Variants in PLXNA4 observed in about 807,000 individuals in gnomAD.
The protein encoded by PLXNA4 is plexin-A4.
In PLXNA4, 44 loss-of-function variants were observed where a neutral mutation model predicts 191.8. That is an observed-to-expected ratio of 0.23 (90% CI 0.18 to 0.29). PLXNA4 has a LOEUF of 0.29. PLXNA4 is among the 10% of genes least tolerant of loss of function. The pLI is 1.00. For missense variants in PLXNA4, 1,800 were observed against 2,488.8 expected, an observed-to-expected ratio of 0.72 and a Z score of 5.89; for synonymous variants, 1,082 against 1,009.5, an observed-to-expected ratio of 1.07 and a Z score of -1.36.
chr7:132,244,359 A>G (rs996104476), intron 4 of PLXNA4, among the ~76,000 whole-genome samples: 2 of 152,296 alleles, frequency 1.3e-5, no homozygotes, highest in Admixed American at 6.5e-5. Context: ...CACCAGGTCT[A>G]CCTTCAAGAA....
At chr7:132,203,514 A>C in intron 10 of PLXNA4, 95 bp from the exon 11 acceptor site, 8 of 1,105,180 alleles carry the variant, frequency 7.2e-6, no homozygotes, top group Non-Finnish European at 1.1e-5. Context: ...TTAAGAGCTC[A>C]CAGGCTAAAG....
At chr7:132,293,800 T>C (rs1267672390) in intron 4 of PLXNA4, among the ~76,000 whole-genome samples, 5 of 152,214 alleles carry the variant, frequency 3.3e-5, no homozygotes, top group Admixed American at 6.5e-5. Context: ...ATGTTTAGGA[T>C]GCCCTTCCAC....
At chr7:132,612,729 T>A (rs904250126) in intron 2 of PLXNA4, among the ~76,000 whole-genome samples, 4 of 151,888 alleles carry the variant, frequency 2.6e-5, no homozygotes, top group Admixed American at 2.6e-4. Flanking sequence ...ACTGACATTT[T>A]GTGCAAATAA....
At chr7:132,478,257 G>A (rs4731870) in intron 3 of PLXNA4, among the ~76,000 whole-genome samples, 13,916 of 152,260 alleles carry the variant, frequency 0.091, 1,154 homozygotes, top group East Asian at 0.27. Flanking sequence ...CAAGTCTGGT[G>A]TGTCTGGGAA....
At chr7:132,291,914 C>G (rs1233434264) in intron 4 of PLXNA4, among the ~76,000 whole-genome samples, 1 of 152,182 alleles carries the variant, frequency 6.6e-6, no homozygotes, top group Non-Finnish European at 1.5e-5. Flanking sequence ...CCTGCCTCAG[C>G]CTCCCGAGTG....
chr7:132,626,388 C>T (rs1295244300), intron 2 of PLXNA4, among the ~76,000 whole-genome samples: 1 of 152,218 alleles, frequency 6.6e-6, no homozygotes, highest in Non-Finnish European at 1.5e-5. Flanking sequence ...ATATATGTCG[C>T]TGCCCAAATA....
intron 30 of PLXNA4, among the ~76,000 whole-genome samples, chr7:132,140,189 G>A (rs1239621152): frequency 1.3e-5 from 2 of 152,254 alleles, no homozygotes; most frequent in African/African-American, 2.4e-5. Flanking sequence ...CCAGACGGTA[G>A]CAGATGGGTA....
chr7:132,290,592 A>C (rs991490507), intron 4 of PLXNA4, among the ~76,000 whole-genome samples: 1 of 152,220 alleles, frequency 6.6e-6, no homozygotes, highest in African/African-American at 2.4e-5. Context: ...ATATACATGC[A>C]TACACATACA....
At chr7:132,537,821 C>G (rs1799912821) in intron 1 of PLXNA4, among the ~76,000 whole-genome samples, 1 of 152,174 alleles carries the variant, frequency 6.6e-6, no homozygotes, top group African/African-American at 2.4e-5. Flanking sequence ...CTAGATCAAG[C>G]CCTTCCTCAA....
chr7:132,479,589 T>G (rs1797260376), intron 3 of PLXNA4, among the ~76,000 whole-genome samples: 1 of 152,194 alleles, frequency 6.6e-6, no homozygotes, highest in Non-Finnish European at 1.5e-5. Flanking sequence ...CGCCCGGCAG[T>G]GGGTGTCCAG....
intron 3 of PLXNA4, among the ~76,000 whole-genome samples, chr7:132,313,429 C>T (rs1801823461): frequency 6.6e-6 from 1 of 152,022 alleles, no homozygotes; most frequent in Non-Finnish European, 1.5e-5. Flanking sequence ...GACTATGATT[C>T]TTATCTTGGT....
At chr7:132,365,242 G>A (rs937427794) in intron 3 of PLXNA4, among the ~76,000 whole-genome samples, 2 of 152,146 alleles carry the variant, frequency 1.3e-5, no homozygotes, top group African/African-American at 2.4e-5. Flanking sequence ...AAAAGCACTA[G>A]TGAATAATGG....
At chr7:132,491,254 C>T (rs188838493) in intron 2 of PLXNA4, among the ~76,000 whole-genome samples, 2,392 of 152,292 alleles carry the variant, frequency 0.016, 31 homozygotes, top group Non-Finnish European at 0.026. Flanking sequence ...CAAGGTGTCA[C>T]TTTTTTAAAG....
chr7:132,523,562 A>G (rs1035020292), intron 1 of PLXNA4, among the ~76,000 whole-genome samples: 6 of 152,244 alleles, frequency 3.9e-5, no homozygotes, highest in Non-Finnish European at 8.8e-5. Flanking sequence ...GCCGGAGGGT[A>G]TATTCCAAAT....
At chr7:132,457,768 G>A (rs145243432) in intron 3 of PLXNA4, among the ~76,000 whole-genome samples, 36 of 152,324 alleles carry the variant, frequency 2.4e-4, no homozygotes, top group African/African-American at 8.2e-4. Flanking sequence ...TACACTGAGA[G>A]GGAGGCAGTG....
At chr7:132,483,814 G>A (rs1404909965) in intron 3 of PLXNA4, among the ~76,000 whole-genome samples, 2 of 152,234 alleles carry the variant, frequency 1.3e-5, no homozygotes, top group African/African-American at 4.8e-5. Context: ...AGAATGACAA[G>A]TGTTCCTGAG....
intron 2 of PLXNA4, among the ~76,000 whole-genome samples, chr7:132,626,818 A>G (rs2116873706): frequency 6.6e-6 from 1 of 152,314 alleles, no homozygotes. Context: ...AGGTGCATGC[A>G]TCTCAGCCCA....
chr7:132,561,650 T>TTCCTCCTTTTCCTCATCC (rs1563172919), intron 1 of PLXNA4, among the ~76,000 whole-genome samples: 2 of 90,036 alleles, frequency 2.2e-5, no homozygotes. Context: ...TCTCCTCCTC[T>TTCCTCCTTTTCCTCATCC]TCCTCCTTTT....
chr7:132,282,348 G>A (rs969617390), intron 4 of PLXNA4, among the ~76,000 whole-genome samples: 1 of 151,972 alleles, frequency 6.6e-6, no homozygotes, highest in Non-Finnish European at 1.5e-5. Flanking sequence ...CAAGGCAGGT[G>A]GATCGCTTGA....
Sources: gnomAD v4.1 joint callset for allele counts (sites outside exome capture counted in the v4.1 genomes callset) on GRCh38, gnomAD v4.1.1 for gene constraint, MANE v1.5 for transcripts, NCBI Gene and HGNC (gene_info 2026-07-23, HGNC 2026-07-21) for gene names.